Variants in MAU2 observed in about 807,000 individuals in gnomAD.
The protein encoded by MAU2 is MAU2 sister chromatid cohesion factor, also known as MAU2 chromatid cohesion factor homolog.
Under a neutral mutation model 89.1 loss-of-function variants are expected in MAU2, and 9 were observed. That is an observed-to-expected ratio of 0.10 (90% CI 0.06 to 0.18). The LOEUF (loss-of-function observed/expected upper bound fraction) is 0.18, where lower values mean the gene tolerates loss of function less well. Ranked by LOEUF, MAU2 falls within the 10% of genes least tolerant of loss-of-function variation. MAU2 has a pLI of 1.00. For missense variants in MAU2, 425 were observed against 803.5 expected, an observed-to-expected ratio of 0.53 and a Z score of 5.69; for synonymous variants, 357 against 343.4, an observed-to-expected ratio of 1.04 and a Z score of -0.44.
chr19:19,338,790 T>C, intron 4 of MAU2, 55 bp from the exon 5 acceptor site: 1 of 1,333,868 alleles, frequency 7.5e-7, no homozygotes, highest in Non-Finnish European at 1.1e-6. Flanking sequence ...CGAAGGCAGG[T>C]ACCGTAAAAC....
At position 19,354,909 on chromosome 19, in the gene MAU2, C is replaced by G. The variant is rs115921640; in HGVS notation, c.1640-355C>G. On this transcript the variant is annotated intron_variant, in intron 17 of 18. Transcript: ENST00000262815. ...GGGGCCCTGGGGAGGTGACAGGAGA[C>G]GGGGTGCTCCATGTGCAGTGGGCTG... 1.2e-4 allele frequency among the ~76,000 whole-genome samples: 19 copies of G among 152,164 alleles called. No homozygotes were observed. In the East Asian group the frequency reaches 2.7e-3, roughly 22 times the overall value.
chr19:19,351,752 A>G (rs1471348701), intron 16 of MAU2, among the ~76,000 whole-genome samples: 3 of 152,076 alleles, frequency 2.0e-5, no homozygotes, highest in Admixed American at 2.0e-4. Flanking sequence ...AGCAAAACAG[A>G]AAAAAATTGC....
rs576338098 is a variant in MAU2 at position 19,323,728 on chromosome 19, C to T, written c.276+2593C>T. On this transcript the variant is annotated intron_variant, in intron 1 of 18. Coordinates refer to ENST00000262815, the MANE Select transcript of MAU2 (RefSeq NM_015329.4). ...TGAACTCCTGAGCTCAAGCCATCCA[C>T]CTGCCTCAGCCTCCCAAAGTGCTGG... 7.9e-5 allele frequency among the ~76,000 whole-genome samples: 12 copies of T among 152,298 alleles called. No homozygotes were observed. The South Asian group carries it at 2.5e-3, about 32-fold the overall frequency.
intron 1 of MAU2, among the ~76,000 whole-genome samples, chr19:19,326,664 C>G (rs1018206793): frequency 4.7e-5 from 4 of 85,844 alleles, no homozygotes; most frequent in Admixed American, 1.3e-4. Flanking sequence ...CCAGACTGGG[C>G]GAAAGAGCGA....
Position 19,338,877 on chromosome 19 carries a change from G to A in MAU2, c.489G>A (p.Ser163=), listed in dbSNP as rs2074090. ...ACACGCTTGAGAAGGACCTGGTGTC[G>A]GCCTGTGACCTCCTGGGTGTAGGGG... ...QLHTLEKDLV[S]ACDLLGVGAE... Residue 163 remains serine, a synonymous_variant, in exon 5 of 19, where the codon TCG becomes TCA. Coordinates refer to ENST00000262815, the MANE Select transcript of MAU2 (RefSeq NM_015329.4). The A allele has an allele frequency of 6.2e-7, 1 of 1,613,284 alleles. No homozygotes were observed. Among genetic ancestry groups the A allele is most frequent in the Non-Finnish European group, 8.5e-7 (1 of 1,179,772 alleles).
chr19:19,329,031 A>T (rs766828085), intron 1 of MAU2: 22 of 456,018 alleles, frequency 4.8e-5, no homozygotes, highest in South Asian at 3.4e-4. Flanking sequence ...TGCTGGTCAG[A>T]TACTTAATTC....
intron 7 of MAU2, 86 bp downstream of exon 7, chr19:19,341,493 C>A (rs2061646465): frequency 1.3e-6 from 2 of 1,509,526 alleles, no homozygotes; most frequent in South Asian, 1.2e-5. Flanking sequence ...GCTGTGAGGT[C>A]AGCTGTGTCA....
rs2048204401 is a variant in MAU2 at position 19,358,558 on chromosome 19, CATA to C, written c.*2779_*2781del. On this transcript the variant is annotated 3_prime_UTR_variant, in exon 19 of 19. Coordinates refer to ENST00000262815, the MANE Select transcript of MAU2 (RefSeq NM_015329.4). ...TAAGGTTTTTAATAAGTACGTTTGG[CATA>C]ATGTCTTTTAATGGGTTTGTAATAT... is the stretch of plus-strand genomic sequence containing the variant. 1 of 152,194 alleles carries C rather than the reference CATA, an allele frequency of 6.6e-6. No homozygotes were observed. Among genetic ancestry groups the C allele is most frequent in the Non-Finnish European group, 1.5e-5 (1 of 68,048 alleles). The allele number at this position is 152,194 out of a possible 1,614,324, so 9.4% of individuals were successfully genotyped here. A position where few individuals can be genotyped will look rare whatever the true frequency, so the allele number is the denominator to read the frequency against.
intron 1 of MAU2, 22 bp downstream of exon 1, chr19:19,321,157 A>G (rs1392559243): frequency 6.4e-7 from 1 of 1,561,914 alleles, no homozygotes; most frequent in Admixed American, 1.8e-5. Flanking sequence ...CCGGGCCGCG[A>G]GGGAGGAGTC....
rs974994765 is a variant in MAU2 at position 19,328,862 on chromosome 19, A to G, written c.277-6856A>G. Among the ~76,000 whole-genome samples, 4 of 152,076 alleles carry G rather than the reference A, an allele frequency of 2.6e-5. No homozygotes were observed. The South Asian group carries it at 8.3e-4, about 32-fold the overall frequency. ...TCTGGAAGAACTTACTATTTTCTAT[A>G]ATCCAGGCAGTCATTCTTTGAACAG... is the stretch of plus-strand genomic sequence containing the variant. On this transcript the variant is annotated intron_variant, in intron 1 of 18. Coordinates refer to ENST00000262815, the MANE Select transcript of MAU2 (RefSeq NM_015329.4).
intron 1 of MAU2, among the ~76,000 whole-genome samples, chr19:19,331,023 A>G (rs2061551202): frequency 6.6e-6 from 1 of 152,064 alleles, no homozygotes; most frequent in Admixed American, 6.6e-5. Context: ...CTTCCACCCC[A>G]CTTGAAACCT....
At chr19:19,341,004 G>C in intron 6 of MAU2, 131 bp downstream of exon 6, 1 of 1,264,746 alleles carries the variant, frequency 7.9e-7, no homozygotes, top group Non-Finnish European at 1.1e-6. Context: ...CTTAGGCACA[G>C]TGAGCAGCCT....
At chr19:19,335,513 C>A (rs1457132271) in intron 1 of MAU2, among the ~76,000 whole-genome samples, 2 of 152,116 alleles carry the variant, frequency 1.3e-5, no homozygotes, top group Non-Finnish European at 1.5e-5. Context: ...GCCCAGGCAC[C>A]CACTGGGGCT....
intron 3 of MAU2, among the ~76,000 whole-genome samples, chr19:19,336,474 T>A (rs971294854): frequency 1.3e-5 from 2 of 152,018 alleles, no homozygotes; most frequent in Non-Finnish European, 2.9e-5. Context: ...TAATTTTTTT[T>A]ATTTGTTCTA....
At chr19:19,326,933 A>C (rs1030071726) in intron 1 of MAU2, among the ~76,000 whole-genome samples, 1 of 150,730 alleles carries the variant, frequency 6.6e-6, no homozygotes, top group Non-Finnish European at 1.5e-5. Flanking sequence ...CAAAGAGGGT[A>C]TGTCTTCCTT....
Position 19,341,275 on chromosome 19 carries a change from G to A in MAU2, c.603G>A (p.Leu201=). ...KGMLLLMERK[L]QEVHPLLTLC... ...AGCTGCTGCTGATGGAGCGAAAGCTGCAGGAGGTGCACCCGCTGCTGACCC... is the reference window on the plus strand; with the variant it reads ...AGCTGCTGCTGATGGAGCGAAAGCTACAGGAGGTGCACCCGCTGCTGACCC... Residue 201 remains leucine (L), a synonymous_variant, in exon 7 of 19, where the codon CTG becomes CTA. Coordinates refer to ENST00000262815, the MANE Select transcript of MAU2 (RefSeq NM_015329.4). 2.5e-6 allele frequency: 4 copies of A among 1,612,230 alleles called. No homozygotes were observed. Among genetic ancestry groups the A allele is most frequent in the South Asian group, 1.1e-5 (1 of 91,018 alleles).
chr19:19,337,101 G>C (rs530100809), intron 3 of MAU2, 69 bp from the exon 4 acceptor site: 1 of 1,215,876 alleles, frequency 8.2e-7, no homozygotes, highest in Admixed American at 2.0e-5. Flanking sequence ...TGCTGCTAAG[G>C]AATCCAGCTT....
chr19:19,345,073 C>A lies in MAU2; in HGVS notation c.1155+147C>A. ...AATGTTCCCATAGGTAATCATATAA[C>A]CTTCCCAGGCACGATCCGGAATGCT... On this transcript the variant is annotated intron_variant, in intron 11 of 18. Transcript: ENST00000262815. This position sits in a 1 kb window ranked among gnomAD's most constrained non-coding sequence, Gnocchi z 4.9. 1.3e-6 allele frequency: 1 copy of A among 793,220 alleles called. No individual in the cohort carries two copies. The highest frequency in any genetic ancestry group is 2.1e-6 in the Non-Finnish European group (1 of 481,666). The allele number at this position is 793,220 out of a possible 1,614,324, so 49.1% of individuals were successfully genotyped here. A position where few individuals can be genotyped will look rare whatever the true frequency, so the allele number is the denominator to read the frequency against.
intron 1 of MAU2, among the ~76,000 whole-genome samples, chr19:19,323,645 C>T (rs974116702): frequency 4.6e-5 from 7 of 151,948 alleles, no homozygotes; most frequent in Non-Finnish European, 8.8e-5. Flanking sequence ...TAGTTGGGAC[C>T]ACAGGTACGC....
Sources: allele counts gnomAD v4.1 joint callset (sites outside exome capture counted in the v4.1 genomes callset), GRCh38; gene constraint gnomAD v4.1.1; non-coding constraint Gnocchi (gnomAD v3.1); transcripts MANE v1.5; gene names NCBI Gene and HGNC (gene_info 2026-07-23, HGNC 2026-07-21).